The following REELD1 variants were observed in gnomAD, a reference collection of about 807,000 sequenced individuals.
The protein encoded by REELD1 is reeler domain containing 1.
REELD1 carries 12 observed loss-of-function variants against 6.3 expected under a neutral mutation model. The ratio of observed to expected loss-of-function variants is 1.89; its 90% CI spans 1.21 to 3.07. REELD1 has a LOEUF of 3.07. Ranked by LOEUF, REELD1 falls within the 30% of genes most tolerant of loss-of-function variation. REELD1 has a pLI of 0.00. For missense variants in REELD1, 163 were observed against 86.8 expected, an observed-to-expected ratio of 1.88 and a Z score of -3.49; for synonymous variants, 57 against 33.6, an observed-to-expected ratio of 1.70 and a Z score of -2.42.
chr4:146,228,916 T>G, intron 6 of REELD1, 109 bp from the exon 7 acceptor site: 1 of 668,562 alleles, frequency 1.5e-6, no homozygotes, highest in Non-Finnish European at 2.7e-6. Flanking sequence ...AAATCAGAAG[T>G]TTTTCAAGTG....
rs17021267 is a variant in REELD1, at chr4:146,230,383, A to G, written c.1451A>G (p.Asp484Gly). The change falls in exon 8 of 8, where the codon GAT (aspartate) becomes GGT (glycine). Residue 484 changes from aspartate (D) to glycine (G), a missense_variant. By Grantham distance (94) the Asp-to-Gly change is moderately conservative. Transcript: ENST00000623665. Reference sequence around the variant, plus strand: ...GTGTCTTTCAGTGAGCCCGCTTCGGATGCTGTTGCCAGGAGCAACAGTGGT... The same window carrying G: ...GTGTCTTTCAGTGAGCCCGCTTCGGGTGCTGTTGCCAGGAGCAACAGTGGT... The part of the protein sequence containing the change: ...TEVSFSEPAS[D>G]AVARSNSGET... The G allele has an allele frequency of 8.9e-3, 3,538 of 398,780 alleles. 101 individuals are homozygous for G. The highest frequency in any genetic ancestry group is 0.064 in the African/African-American group (3,135 of 48,762). The allele number at this position is 398,780 out of a possible 1,614,324, so 24.7% of individuals were successfully genotyped here. A position where few individuals can be genotyped will look rare whatever the true frequency, so the allele number is the denominator to read the frequency against.
At chr4:146,218,391 C>T (rs1181843147) in intron 3 of REELD1, among the ~76,000 whole-genome samples, 31 of 152,152 alleles carry the variant, frequency 2.0e-4, no homozygotes, top group Admixed American at 1.3e-4. Context: ...TCAGATGCCA[C>T]GAAGTGTAGG....
rs573603176 is a variant in REELD1, at chr4:146,230,118, C to T, written c.1186C>T (p.Pro396Ser). 1 of 398,836 alleles carries T rather than the reference C, an allele frequency of 2.5e-6. No homozygotes were observed. The highest frequency in any genetic ancestry group is 3.6e-5 in the East Asian group (1 of 28,066). 24.7% of individuals were successfully genotyped at this position (398,836 alleles called of 1,614,324 possible). The change falls in exon 8 of 8, where the codon CCT becomes TCT. Residue 396 changes from proline to serine, a missense_variant. Transcript: ENST00000623665. ...EASRASASFL[P>S]QSKHKELRAG... ...ATCCAGGGCCTCTGCCAGCTTCTTA[C>T]CTCAGTCAAAGCACAAGGAGCTCAG...
chr4:146,222,022 A>G (rs1433294182), intron 3 of REELD1, among the ~76,000 whole-genome samples: 1 of 152,108 alleles, frequency 6.6e-6, no homozygotes, highest in Non-Finnish European at 1.5e-5. Flanking sequence ...TCATCTGTCC[A>G]GGGTTCACCT....
At chr4:146,215,793 C>A (rs1390926478) in intron 2 of REELD1, among the ~76,000 whole-genome samples, 1 of 150,466 alleles carries the variant, frequency 6.6e-6, no homozygotes, top group Non-Finnish European at 1.5e-5. Context: ...CTCTTTTGCC[C>A]AGGCTGGAGT....
rs1208838690 is a variant in REELD1, at chr4:146,222,398, C to T, written c.250C>T (p.Gln84Ter). ...SSRDFMGFLL[Q>*]ARRVSDHQIA... is the part of the protein sequence containing the mutation. ...TCGTGATTTCATGGGATTTCTCCTT[C>T]AGGCTCGAAGAGTGTCCGATCATCA... The change falls in exon 4 of 8, where the codon CAG (glutamine) becomes TAG (stop). Residue 84 changes from glutamine to a stop codon, truncating the protein, a stop_gained. Coordinates refer to ENST00000623665, the MANE Select transcript of REELD1 (RefSeq NM_001354631.1). LOFTEE classifies it high-confidence loss of function. 2.5e-6 allele frequency: 1 copy of T among 398,512 alleles called. No homozygotes were observed. The highest frequency in any genetic ancestry group is 2.1e-5 in the African/African-American group (1 of 48,624). 24.7% of individuals were successfully genotyped at this position (398,512 alleles called of 1,614,324 possible).
At chr4:146,225,972 C>T (rs548023511) in intron 5 of REELD1, among the ~76,000 whole-genome samples, 28 of 152,092 alleles carry the variant, frequency 1.8e-4, no homozygotes, top group South Asian at 1.5e-3. Flanking sequence ...TGCTTGTGCA[C>T]GCATGTATGT....
At chr4:146,218,246 C>G (rs535545183) in intron 3 of REELD1, among the ~76,000 whole-genome samples, 2 of 152,340 alleles carry the variant, frequency 1.3e-5, no homozygotes, top group African/African-American at 2.4e-5. Context: ...GGGTTGCCCC[C>G]ACCAGGGGTG....
intron 5 of REELD1, among the ~76,000 whole-genome samples, chr4:146,226,702 G>A (rs1436677425): frequency 6.6e-6 from 1 of 152,120 alleles, no homozygotes; most frequent in African/African-American, 2.4e-5. Flanking sequence ...TTCAACATAT[G>A]AATTTTGAGG....
At chr4:146,223,047 G>A (rs1392095801) in intron 4 of REELD1, among the ~76,000 whole-genome samples, 2 of 152,324 alleles carry the variant, frequency 1.3e-5, no homozygotes, top group East Asian at 3.9e-4. Flanking sequence ...GTTGTATATG[G>A]ATGAGAGAGC....
In REELD1 at chr4:146,224,621, A is replaced by G. The variant is rs1047670633; in HGVS notation, c.595+13A>G. 2.9e-5 allele frequency: 20 copies of G among 701,748 alleles called. No homozygotes were observed. The Admixed American group carries it at 3.0e-4, about 11-fold the overall frequency. The allele number at this position is 701,748 out of a possible 1,614,324, so 43.5% of individuals were successfully genotyped here. A position where few individuals can be genotyped will look rare whatever the true frequency, so the allele number is the denominator to read the frequency against. On this transcript the variant is annotated intron_variant, in intron 5 of 7. Coordinates refer to ENST00000623665, the MANE Select transcript of REELD1 (RefSeq NM_001354631.1). ...GGAGCTGCTCCAGGTACAGCTTGTC[A>G]TTGTATTTGCCAGGCTGGTTGTCAT...
intron 7 of REELD1, 102 bp from the exon 8 acceptor site, chr4:146,229,803 C>T (rs1006079824): frequency 3.0e-5 from 12 of 397,410 alleles, no homozygotes; most frequent in Middle Eastern, 6.3e-4. Context: ...TTTTTAGCTG[C>T]CTCCTGGGAG....
chr4:146,224,978 A>G (rs1730995606), intron 5 of REELD1, among the ~76,000 whole-genome samples: 1 of 152,224 alleles, frequency 6.6e-6, no homozygotes, highest in African/African-American at 2.4e-5. Flanking sequence ...GAAGCTACGC[A>G]GGGAGCACAA....
intron 3 of REELD1, among the ~76,000 whole-genome samples, chr4:146,219,401 A>G (rs1578697287): frequency 6.6e-6 from 1 of 152,284 alleles, no homozygotes; most frequent in East Asian, 1.9e-4. Flanking sequence ...GGGATCTGTG[A>G]GCTCCTTGAA....
intron 1 of REELD1, among the ~76,000 whole-genome samples, 174 bp from the exon 2 acceptor site, chr4:146,214,902 G>T: frequency 6.6e-6 from 1 of 152,092 alleles, no homozygotes; most frequent in East Asian, 1.9e-4. Context: ...AGAAGACACA[G>T]TGAAACCTAA....
Position 146,230,641 on chromosome 4 carries a change from G to T in REELD1, c.*128G>T. The T allele has an allele frequency of 2.5e-6, 1 of 397,136 alleles. No individual in the cohort carries two copies. Among genetic ancestry groups the T allele is most frequent in the African/African-American group, 2.1e-5 (1 of 48,756 alleles). The allele number at this position is 397,136 out of a possible 1,614,324, so 24.6% of individuals were successfully genotyped here. ...TTGTGCCTCTGTCAATGTGCAGTTA[G>T]TGGAGGAACCCGGGAGAGGACACTT... is the stretch of plus-strand genomic sequence containing the variant. On this transcript the variant is annotated 3_prime_UTR_variant, in exon 8 of 8. Coordinates refer to ENST00000623665, the MANE Select transcript of REELD1 (RefSeq NM_001354631.1).
intron 5 of REELD1, among the ~76,000 whole-genome samples, chr4:146,227,192 C>T (rs574004407): frequency 1.3e-5 from 2 of 152,162 alleles, no homozygotes; most frequent in Non-Finnish European, 2.9e-5. Context: ...CAGCACACAG[C>T]GGGTCTGCAG....
In REELD1 at chr4:146,229,045, T is replaced by G. The variant is rs1481938969; in HGVS notation, c.929T>G (p.Phe310Cys). 1.4e-6 allele frequency: 1 copy of G among 702,416 alleles called. No homozygotes were observed. 43.5% of individuals were successfully genotyped at this position (702,416 alleles called of 1,614,324 possible). A position where few individuals can be genotyped will look rare whatever the true frequency, so the allele number is the denominator to read the frequency against. Residue 310 changes from phenylalanine to cysteine, a missense_variant, in exon 7 of 8, where the codon TTT (phenylalanine) becomes TGT (cysteine). Phe to Cys is a radical substitution (Grantham distance 205, BLOSUM62 -2). Transcript: ENST00000623665. The stretch of plus-strand genomic sequence containing the variant: ...TTTAGAACTCAGGATGATCCCAGCT[T>G]TGATTCACTGGAAACTTGCCTGTCC... ...THHRTQDDPS[F>C]DSLETCLSSD... is the part of the protein sequence containing the mutation.
At chr4:146,215,553 T>C (rs1228362350) in intron 2 of REELD1, among the ~76,000 whole-genome samples, 1 of 152,116 alleles carries the variant, frequency 6.6e-6, no homozygotes, top group African/African-American at 2.4e-5. Context: ...ATTTGGTTTA[T>C]GGATTATTTC....
Sources: gnomAD v4.1 joint callset for allele counts (sites outside exome capture counted in the v4.1 genomes callset) on GRCh38, gnomAD v4.1.1 for gene constraint, MANE v1.5 for transcripts, NCBI Gene and HGNC (gene_info 2026-07-23, HGNC 2026-07-21) for gene names.